HIPK1: variants seen among roughly 807,000 people sequenced by gnomAD.
HIPK1 encodes the protein homeodomain interacting protein kinase 1.
A neutral mutation model predicts 117.1 loss-of-function variants in HIPK1; 28 were observed. The ratio of observed to expected loss-of-function variants is 0.24; its 90% CI spans 0.18 to 0.33. The LOEUF (loss-of-function observed/expected upper bound fraction) is 0.33, where lower values mean the gene tolerates loss of function less well. Ranked by LOEUF, HIPK1 falls within the 10% of genes least tolerant of loss-of-function variation. HIPK1 has a pLI of 1.00. For missense variants in HIPK1, 1,122 were observed against 1,475.1 expected (o/e 0.76, Z 3.92); for synonymous variants, 605 against 562.5 (o/e 1.08, Z -1.07).
intron 1 of HIPK1, among the ~76,000 whole-genome samples, chr1:113,934,702 G>A (rs1276684849): frequency 2.0e-5 from 3 of 149,760 alleles, no homozygotes; most frequent in African/African-American, 4.9e-5. Flanking sequence ...TCTCAATATC[G>A]TGGGAGGCCA....
chr1:113,968,014 G>A, intron 12 of HIPK1, 66 bp downstream of exon 12: 30 of 1,411,096 alleles, frequency 2.1e-5, no homozygotes, highest in Non-Finnish European at 2.9e-5. Flanking sequence ...CCTTGCATTT[G>A]GAATATTGTA....
At position 113,973,353 on chromosome 1, in the gene HIPK1, C is replaced by T; in HGVS notation, c.3474C>T (p.Val1158=). 1.2e-6 allele frequency: 2 copies of T among 1,614,210 alleles called. No homozygotes were observed. Among genetic ancestry groups the T allele is most frequent in the Non-Finnish European group, 1.7e-6 (2 of 1,180,032 alleles). The change falls in exon 16 of 16, where the codon GTC becomes GTT. Residue 1158 remains valine (V), a synonymous_variant. Transcript: ENST00000426820. ...HPSTLVHQVP[V]SVGPSLLTSA... ...GCACTTTGGTGCACCAGGTCCCTGT[C>T]AGTGTTGGGCCCAGCCTCCTCACTT...
chr1:113,952,969 T>A (rs1671464902), intron 3 of HIPK1, 80 bp downstream of exon 3: 1 of 1,268,592 alleles, frequency 7.9e-7, no homozygotes, highest in Admixed American at 2.9e-5. Flanking sequence ...AAGTACTAAG[T>A]ACTACTGAAG....
chr1:113,931,221 T>A (rs1669875473), intron 1 of HIPK1, among the ~76,000 whole-genome samples: 1 of 151,968 alleles, frequency 6.6e-6, no homozygotes, highest in Non-Finnish European at 1.5e-5. Flanking sequence ...TACTAGCTTT[T>A]TTCATATGGA....
intron 10 of HIPK1, 32 bp downstream of exon 10, chr1:113,963,553 G>T: frequency 3.2e-6 from 5 of 1,565,546 alleles, no homozygotes; most frequent in Non-Finnish European, 3.5e-6. Flanking sequence ...TGTTACTAAC[G>T]GAGTTTCTTT....
chr1:113,943,091 G>T (rs138761152), intron 2 of HIPK1, among the ~76,000 whole-genome samples: 1 of 152,270 alleles, frequency 6.6e-6, no homozygotes, highest in East Asian at 1.9e-4. Context: ...AAACATTGTG[G>T]TAAGATGTTT....
At chr1:113,964,084 A>T (rs1672300837) in intron 10 of HIPK1, among the ~76,000 whole-genome samples, 1 of 152,240 alleles carries the variant, frequency 6.6e-6, no homozygotes, top group African/African-American at 2.4e-5. Flanking sequence ...TTCTATGGAC[A>T]CATGAAGATA....
intron 4 of HIPK1, 102 bp from the exon 5 acceptor site, chr1:113,955,461 C>A: frequency 1.4e-6 from 1 of 702,770 alleles, no homozygotes; most frequent in Non-Finnish European, 2.5e-6. Context: ...CTATGGTTGG[C>A]AAGGTGACCA....
intron 2 of HIPK1, among the ~76,000 whole-genome samples, chr1:113,945,941 T>C (rs1432028345): frequency 6.6e-6 from 1 of 152,218 alleles, no homozygotes; most frequent in Non-Finnish European, 1.5e-5. Flanking sequence ...TGGGTAGTAT[T>C]GACAGCTTAA....
At chr1:113,950,441 A>G (rs1411884027) in intron 2 of HIPK1, among the ~76,000 whole-genome samples, 2 of 152,172 alleles carry the variant, frequency 1.3e-5, no homozygotes, top group Non-Finnish European at 2.9e-5. Context: ...AAGAAAGGAA[A>G]TTATTTGGAG....
Position 113,949,603 on chromosome 1 carries a change from T to TC in HIPK1, c.1077-3163_1077-3162insC, listed in dbSNP as rs1671215898. On this transcript the variant is annotated intron_variant, in intron 2 of 15. Transcript: ENST00000426820. ...TGAGGGTTACTTCTTTTCTTTTCTTTTTTTTTTTTTTTTGAGACAGAGTCT... is the reference window on the plus strand; with the variant it reads ...TGAGGGTTACTTCTTTTCTTTTCTTTCTTTTTTTTTTTTTGAGACAGAGTCT... Among the ~76,000 whole-genome samples the TC allele has an allele frequency of 1.4e-5, 2 of 147,846 alleles. 1 individual carries two copies. The highest frequency in any genetic ancestry group is 3.0e-5 in the Non-Finnish European group (2 of 66,624).
intron 14 of HIPK1, among the ~76,000 whole-genome samples, chr1:113,970,948 A>G (rs1672784871): frequency 6.6e-6 from 1 of 152,230 alleles, no homozygotes; most frequent in Non-Finnish European, 1.5e-5. Flanking sequence ...GGCCCCACCT[A>G]GATGCAAGTG....
intron 1 of HIPK1, chr1:113,929,908 C>T (rs1669732872): frequency 1.0e-6 from 1 of 986,432 alleles, no homozygotes; most frequent in Non-Finnish European, 1.2e-6. Context: ...ACGGCAGCCC[C>T]AGCTCGCGGC....
At chr1:113,955,523 A>C in intron 4 of HIPK1, 40 bp from the exon 5 acceptor site, 1 of 1,199,342 alleles carries the variant, frequency 8.3e-7, no homozygotes, top group Non-Finnish European at 1.2e-6. Context: ...TGAAAATAAC[A>C]TACAGATGGA....
At chr1:113,943,499 G>T (rs1670786041) in intron 2 of HIPK1, among the ~76,000 whole-genome samples, 1 of 152,142 alleles carries the variant, frequency 6.6e-6, no homozygotes, top group South Asian at 2.1e-4. Context: ...TCCATTGTTT[G>T]TATATACCAC....
intron 8 of HIPK1, among the ~76,000 whole-genome samples, chr1:113,961,383 C>A (rs368679727): frequency 6.6e-6 from 1 of 152,108 alleles, no homozygotes; most frequent in African/African-American, 2.4e-5. Context: ...TTCTATAAAC[C>A]AGAATGTCTG....
At chr1:113,955,698 A>T (rs753829564) in intron 5 of HIPK1, 49 bp downstream of exon 5, 2 of 999,168 alleles carry the variant, frequency 2.0e-6, no homozygotes, top group Non-Finnish European at 3.1e-6. Flanking sequence ...TTAATCAGAG[A>T]CACTTCTGTT....
At chr1:113,959,571 C>T (rs1558141845) in intron 8 of HIPK1, among the ~76,000 whole-genome samples, 1 of 152,136 alleles carries the variant, frequency 6.6e-6, no homozygotes, top group Non-Finnish European at 1.5e-5. Context: ...ATGTGGGACC[C>T]TGAAGTTTTC....
intron 1 of HIPK1, among the ~76,000 whole-genome samples, chr1:113,933,728 G>C (rs1057171967): frequency 6.6e-6 from 1 of 152,040 alleles, no homozygotes; most frequent in African/African-American, 2.4e-5. Flanking sequence ...TTAGCTGGGC[G>C]TGGTGGCATG....
Sources: allele counts gnomAD v4.1 joint callset (sites outside exome capture counted in the v4.1 genomes callset), GRCh38; gene constraint gnomAD v4.1.1; transcripts MANE v1.5; gene names NCBI Gene and HGNC (gene_info 2026-07-23, HGNC 2026-07-21).